The following FUOM variants were observed in gnomAD, a reference collection of about 807,000 sequenced individuals.
FUOM encodes the protein fucose mutarotase, also known as protein fucU homolog.
In FUOM, 19 loss-of-function variants were observed where a neutral mutation model predicts 18.3. The ratio of observed to expected loss-of-function variants is 1.04; its 90% CI spans 0.73 to 1.53. The LOEUF (loss-of-function observed/expected upper bound fraction) is 1.53. FUOM is among the 40% of genes most tolerant of loss of function. The pLI, the probability that FUOM is intolerant of heterozygous loss-of-function variation, is 0.00. For synonymous variants in FUOM, 102 were observed against 87.9 expected (o/e 1.16, Z -0.90); for missense variants, 210 against 200.9 (o/e 1.04, Z -0.27).
chr10:133,353,617 C>T (rs1891371), downstream of FUOM, among the ~76,000 whole-genome samples: 126,214 of 152,160 alleles, frequency 0.83, 55,930 homozygotes, highest in East Asian at 0.98. Context: ...CAGCAAATCC[C>T]CGCTCTCCCA....
At chr10:133,354,727 C>T (rs1848735021), downstream of FUOM, among the ~76,000 whole-genome samples, 2 of 152,308 alleles carry the variant, frequency 1.3e-5, no homozygotes, top group South Asian at 2.1e-4. Context: ...CAAATGACCT[C>T]GTGTCCTTTA....
At chr10:133,354,456 G>A (rs1347887493), downstream of FUOM, among the ~76,000 whole-genome samples, 3 of 152,132 alleles carry the variant, frequency 2.0e-5, no homozygotes, top group Non-Finnish European at 2.9e-5. Flanking sequence ...CTCGAGCCCC[G>A]GGGACACCAG....
At chr10:133,353,195 T>G (rs1486813541), downstream of FUOM, among the ~76,000 whole-genome samples, 2 of 152,166 alleles carry the variant, frequency 1.3e-5, no homozygotes, top group Non-Finnish European at 2.9e-5. Flanking sequence ...AGGTGGAAAG[T>G]GCACAGGTCT....
At position 133,356,985 on chromosome 10, in the gene FUOM, G is replaced by C. The variant is rs576772221; in HGVS notation, c.183C>G (p.Ala61=). The C allele has an allele frequency of 2.6e-6, 4 of 1,550,216 alleles. No individual in the cohort carries two copies. The highest frequency in any genetic ancestry group is 1.2e-5 in the South Asian group (1 of 84,054). The part of the protein sequence containing the change: ...DGLGIPQLLE[A]VLKLLPLDTY... ...TGTCCAGGGGCAGCAGCTTCAGCAC[G>C]GCCTCCAGGAGCTGCGGGATGCCCA... The change falls in exon 3 of 6, where the codon GCC becomes GCG. Residue 61 remains alanine, a synonymous_variant. Coordinates refer to ENST00000278025, the MANE Select transcript of FUOM (RefSeq NM_001098483.3).
chr10:133,356,908 G>A (rs770760979), intron 3 of FUOM, 35 bp downstream of exon 3: 11 of 1,538,746 alleles, frequency 7.1e-6, no homozygotes, highest in African/African-American at 2.7e-5. Flanking sequence ...ACTGAGGCAC[G>A]GAGCAGCAGG....
intron 4 of FUOM, 131 bp from the exon 5 acceptor site, chr10:133,355,942 G>A: frequency 2.5e-6 from 2 of 785,696 alleles, no homozygotes; most frequent in Non-Finnish European, 2.2e-6. Context: ...CTCTCCCCCG[G>A]CAAGGGCCCC....
At chr10:133,357,287 A>C in intron 1 of FUOM, 32 bp from the exon 2 acceptor site, 1 of 1,553,788 alleles carries the variant, frequency 6.4e-7, no homozygotes, top group Non-Finnish European at 8.7e-7. Context: ...CCGTGTCGGC[A>C]CCTATCCCTG....
downstream of FUOM, among the ~76,000 whole-genome samples, chr10:133,353,549 G>A (rs574978644): frequency 2.6e-5 from 4 of 152,174 alleles, no homozygotes; most frequent in East Asian, 1.9e-4. Context: ...TTCAGCCCTC[G>A]TGTGGCCACT....
rs967028840 is a variant in FUOM, at chr10:133,357,376, A to T, written c.86-121T>A. The T allele has an allele frequency of 2.3e-5, 23 of 1,004,414 alleles. No homozygotes were observed. In the South Asian group the frequency reaches 3.4e-4, roughly 15 times the overall value. The allele number at this position is 1,004,414 out of a possible 1,614,324, so 62.2% of individuals were successfully genotyped here. ...GGTCACAAGAGGTCTCAGGTCAGCC[A>T]GTTGGGCGCCCCCACCGCCGACCGG... On this transcript the variant is annotated intron_variant, in intron 1 of 5. Transcript: ENST00000278025.
chr10:133,355,014 G>A, downstream of FUOM: 1 of 293,358 alleles, frequency 3.4e-6, no homozygotes, highest in East Asian at 7.2e-5. Context: ...TGTCCCCAGG[G>A]CACCAGGCAC....
In FUOM at chr10:133,355,445, G is replaced by C. The variant is rs773925502; in HGVS notation, c.399-9C>G. On this transcript the variant is annotated splice_polypyrimidine_tract_variant and intron_variant, in intron 5 of 5. Transcript: ENST00000278025. ...CGTAGAGGGCCGTCTCCCTGCAGAG[G>C]AGCCAAGCCCAGCACTGAGCTGGGC... The C allele has an allele frequency of 2.5e-6, 4 of 1,610,028 alleles. No homozygotes were observed. Among genetic ancestry groups the C allele is most frequent in the Non-Finnish European group, 8.5e-7 (1 of 1,178,898 alleles).
chr10:133,353,402 G>A (rs531776938), downstream of FUOM, among the ~76,000 whole-genome samples: 5 of 152,308 alleles, frequency 3.3e-5, no homozygotes, highest in Admixed American at 6.5e-5. Flanking sequence ...GGGTTCCTGC[G>A]TGGCAGTCTC....
Position 133,355,760 on chromosome 10 carries a change from C to G in FUOM, c.376G>C (p.Ala126Pro), listed in dbSNP as rs1368568375. The change falls in exon 5 of 6, where the codon GCT becomes CCT. Residue 126 changes from alanine to proline, a missense_variant. Coordinates refer to ENST00000278025, the MANE Select transcript of FUOM (RefSeq NM_001098483.3). Reference sequence around the variant, plus strand: ...CACCCCGTTGCCACAACAGCAAAAGCCTTCTTAGCCCGTTCATAAAACTCA... The same window carrying G: ...CACCCCGTTGCCACAACAGCAAAAGGCTTCTTAGCCCGTTCATAAAACTCA... ...RFEFYERAKK[A>P]FAVVATGETA... 1.9e-6 allele frequency: 3 copies of G among 1,613,362 alleles called. No individual in the cohort carries two copies. The highest frequency in any genetic ancestry group is 1.7e-5 in the Admixed American group (1 of 60,030).
rs1261421506 is a variant in FUOM, at chr10:133,356,967, G to C, written c.201C>G (p.Pro67=). The change falls in exon 3 of 6, where the codon CCC becomes CCG. Residue 67 remains proline (P), a synonymous_variant. Coordinates refer to ENST00000278025, the MANE Select transcript of FUOM (RefSeq NM_001098483.3). ...CCGGACTCTCCACATAGGTGTCCAG[G>C]GGCAGCAGCTTCAGCACGGCCTCCA... ...QLLEAVLKLL[P]LDTYVESPAA... 1 of 1,550,192 alleles carries C rather than the reference G, an allele frequency of 6.5e-7. No homozygotes were observed. The highest frequency in any genetic ancestry group is 1.4e-5 in the African/African-American group (1 of 73,054).
Position 133,355,402 on chromosome 10 carries a change from TC to T in FUOM, c.432del (p.Lys145ArgfsTer?). ...ETALYGNLIL[R>X]KGVLALNPLL Reference sequence around the variant, plus strand: ...AGGGGGTTGAGGGCAAGCACCCCCTTCCTGAGGATGAGGTTTCCGTAGAGGG... The same window carrying T: ...AGGGGGTTGAGGGCAAGCACCCCCTTCTGAGGATGAGGTTTCCGTAGAGGG... On this transcript the variant is annotated frameshift_variant, in exon 6 of 6. Transcript: ENST00000278025. LOFTEE classifies it high-confidence loss of function. The T allele has an allele frequency of 6.2e-7, 1 of 1,609,296 alleles. No homozygotes were observed.
Position 133,355,164 on chromosome 10 carries a change from T to C in FUOM, c.*206A>G, listed in dbSNP as rs1205834860. On this transcript the variant is annotated 3_prime_UTR_variant, in exon 6 of 6. Transcript: ENST00000278025. ...CGTGAGAACAGAGCTGGAATTGGAC[T>C]CTTGAGACTGAACGTTTTTCCATCA... 6.5e-6 allele frequency: 4 copies of C among 611,888 alleles called. No individual in the cohort carries two copies. In the Admixed American group the frequency reaches 1.2e-4, roughly 18 times the overall value. 37.9% of individuals were successfully genotyped at this position (611,888 alleles called of 1,614,324 possible). A position where few individuals can be genotyped will look rare whatever the true frequency, so the allele number is the denominator to read the frequency against.
rs1848786217 is a variant in FUOM at position 133,356,108 on chromosome 10, C to T, written c.325-297G>A. On this transcript the variant is annotated intron_variant, in intron 4 of 5. Coordinates refer to ENST00000278025, the MANE Select transcript of FUOM (RefSeq NM_001098483.3). ...CCTGCCAGCTGTCCTGGGGGGAGTC[C>T]CCTGCCCAGGACAAGAGCCCCTGGC... Among the ~76,000 whole-genome samples the T allele has an allele frequency of 2.0e-5, 3 of 152,152 alleles. No homozygotes were observed. In the East Asian group the frequency reaches 5.8e-4, roughly 29 times the overall value.
At chr10:133,356,885 C>T (rs1017839909) in intron 3 of FUOM, 58 bp downstream of exon 3, 17 of 1,525,804 alleles carry the variant, frequency 1.1e-5, no homozygotes, top group East Asian at 9.9e-5. Context: ...CTATGAAGCC[C>T]GCAAAAGGGG....
In FUOM at chr10:133,355,370, C is replaced by T. The variant is rs1249279189; in HGVS notation, c.465G>A (p.Ter155=). The T allele has an allele frequency of 3.7e-6, 6 of 1,603,164 alleles. No homozygotes were observed. The African/African-American group carries it at 8.0e-5, about 21-fold the overall frequency. Residue 155 remains the stop codon, a stop_retained_variant, in exon 6 of 6, where the codon TAG becomes TAA. Coordinates refer to ENST00000278025, the MANE Select transcript of FUOM (RefSeq NM_001098483.3). ...CCGGCCCAGGTGGTCTTCACCAGGC[C>T]TACAGCAGGGGGTTGAGGGCAAGCA... The part of the protein sequence containing the change: ...KGVLALNPLL[*]
Sources: gnomAD v4.1 joint callset for allele counts (sites outside exome capture counted in the v4.1 genomes callset) on GRCh38, gnomAD v4.1.1 for gene constraint, MANE v1.5 for transcripts, NCBI Gene and HGNC (gene_info 2026-07-23, HGNC 2026-07-21) for gene names.